OR7A17: variants seen among roughly 807,000 people sequenced by gnomAD.
The protein encoded by OR7A17 is olfactory receptor 7A17.
For missense variants in OR7A17, 366 were observed against 365.5 expected, an observed-to-expected ratio of 1.00 and a Z score of -0.01; for synonymous variants, 159 against 142.1, an observed-to-expected ratio of 1.12 and a Z score of -0.85.
intron 1 of OR7A17, among the ~76,000 whole-genome samples, chr19:14,882,982 A>G (rs1263460089): frequency 6.6e-6 from 1 of 152,228 alleles, no homozygotes; most frequent in Admixed American, 6.5e-5. Flanking sequence ...GTCTGATAGC[A>G]TGTGAGACAG....
In OR7A17 at chr19:14,881,158, C is replaced by A. The variant is rs201572344; in HGVS notation, c.198G>T (p.Leu66=). ...AGATGAAACAGATGTCTGCAAAGGA[C>A]AGGTTGGAGAGGAAGAAGTACATGG... ...HTPMYFFLSN[L]SFADICFIST... Residue 66 remains leucine, a synonymous_variant, in exon 3 of 3, where the codon CTG becomes CTT. Transcript: ENST00000641113. 5.0e-6 allele frequency: 8 copies of A among 1,614,002 alleles called. No individual in the cohort carries two copies. Among genetic ancestry groups the A allele is most frequent in the Non-Finnish European group, 6.8e-6 (8 of 1,179,998 alleles).
At chr19:14,884,044 C>T (rs1001073518) in intron 1 of OR7A17, among the ~76,000 whole-genome samples, 1 of 152,056 alleles carries the variant, frequency 6.6e-6, no homozygotes, top group Non-Finnish European at 1.5e-5. Flanking sequence ...AAATAAATAG[C>T]TATCTACCTG....
Position 14,881,469 on chromosome 19 carries a change from T to G in OR7A17, c.-114A>C, listed in dbSNP as rs1170247980. 2 of 620,570 alleles carry G rather than the reference T, an allele frequency of 3.2e-6. No individual in the cohort carries two copies. Among genetic ancestry groups the G allele is most frequent in the Non-Finnish European group, 4.7e-6 (2 of 429,020 alleles). 38.4% of individuals were successfully genotyped at this position (620,570 alleles called of 1,614,324 possible). On this transcript the variant is annotated 5_prime_UTR_variant, in exon 3 of 3. Coordinates refer to ENST00000641113, the MANE Select transcript of OR7A17 (RefSeq NM_030901.2). ...GTCTGAACCTCCTGGACTCATGCGA[T>G]CCTCCCACTTCAGCCTACAAAAGTG...
intron 1 of OR7A17, among the ~76,000 whole-genome samples, chr19:14,882,614 G>A (rs374306861): frequency 1.3e-5 from 2 of 152,254 alleles, no homozygotes; most frequent in East Asian, 1.9e-4. Context: ...CAAGGAGTCC[G>A]TCTGACCAGA....
In OR7A17 at chr19:14,881,292, C is replaced by T; in HGVS notation, c.64G>A (p.Glu22Lys). 1 of 1,609,030 alleles carries T rather than the reference C, an allele frequency of 6.2e-7. No homozygotes were observed. Among genetic ancestry groups the T allele is most frequent in the South Asian group, 1.1e-5 (1 of 90,172 alleles). ...FVLLGLSEEP[E>K]LQPFLFGLFL... ...AGCCCAAAGAGGAAGGGCTGCAATT[C>T]TGGTTCCTCAGAAAGTCCCAGAAGA... Residue 22 changes from glutamate to lysine, a missense_variant, in exon 3 of 3, where the codon GAA becomes AAA. Physicochemically the swap from Glu to Lys is moderately conservative, Grantham distance 56 (BLOSUM62 1). Transcript: ENST00000641113.
In OR7A17 at chr19:14,881,108, A is replaced by G; in HGVS notation, c.248T>C (p.Ile83Thr). Residue 83 changes from isoleucine (I) to threonine (T), a missense_variant, in exon 3 of 3, where the codon ATT (isoleucine) becomes ACT (threonine). Ile to Thr is a moderately conservative substitution (Grantham distance 89, BLOSUM62 -1). Transcript: ENST00000641113. ...GACTCTGCTCTGTGTCTGGATGTTA[A>G]TGAGCATCTTTGGGATTGTAGTGGA... ...FISTTIPKML[I>T]NIQTQSRVIT... 6.2e-7 allele frequency: 1 copy of G among 1,614,196 alleles called. No homozygotes were observed. Among genetic ancestry groups the G allele is most frequent in the East Asian group, 2.2e-5 (1 of 44,884 alleles).
Position 14,881,464 on chromosome 19 carries a change from T to A in OR7A17, c.-109A>T. ...CGCTGGTCTGAACCTCCTGGACTCA[T>A]GCGATCCTCCCACTTCAGCCTACAA... On this transcript the variant is annotated 5_prime_UTR_variant, in exon 3 of 3. An upstream start codon of the reference 5' UTR is lost. Coordinates refer to ENST00000641113, the MANE Select transcript of OR7A17 (RefSeq NM_030901.2). The A allele has an allele frequency of 1.5e-6, 1 of 669,498 alleles. No individual in the cohort carries two copies. Among genetic ancestry groups the A allele is most frequent in the Non-Finnish European group, 2.1e-6 (1 of 471,910 alleles). The allele number at this position is 669,498 out of a possible 1,614,324, so 41.5% of individuals were successfully genotyped here.
rs748992876 is a variant in OR7A17 at position 14,881,048 on chromosome 19, AAG to A, written c.306_307del (p.Phe104CysfsTer17). The A allele has an allele frequency of 3.7e-6, 6 of 1,614,048 alleles. No individual in the cohort carries two copies. Among genetic ancestry groups the A allele is most frequent in the Admixed American group, 1.7e-5 (1 of 59,988 alleles). On this transcript the variant is annotated frameshift_variant, in exon 3 of 3. Transcript: ENST00000641113. LOFTEE classifies it low-confidence loss of function (END_TRUNC). ...GTCTAACCCTCCAAAAAGTACAAAA[AAG>A]CACATCTGGGTGATGCAGCCTGCAT...
chr19:14,885,994 T>C lies in OR7A17; in HGVS notation c.-348A>G, dbSNP rs1171080870. ...CCATGGAGAAGTGTAAATTCCTCTCTAGCAGGTTGATGGTGGAGATGGAAT... is the reference window on the plus strand; with the variant it reads ...CCATGGAGAAGTGTAAATTCCTCTCCAGCAGGTTGATGGTGGAGATGGAAT... On this transcript the variant is annotated 5_prime_UTR_variant, in exon 1 of 3. An upstream open reading frame in the 5' UTR loses its in-frame stop. Coordinates refer to ENST00000641113, the MANE Select transcript of OR7A17 (RefSeq NM_030901.2). 1 of 152,132 alleles carries C rather than the reference T, an allele frequency of 6.6e-6. No individual in the cohort carries two copies. The highest frequency in any genetic ancestry group is 1.5e-5 in the Non-Finnish European group (1 of 68,040). 9.4% of individuals were successfully genotyped at this position (152,132 alleles called of 1,614,324 possible). A position where few individuals can be genotyped will look rare whatever the true frequency, so the allele number is the denominator to read the frequency against.
chr19:14,879,651 G>A lies in OR7A17; in HGVS notation c.*775C>T, dbSNP rs571628922. The A allele has an allele frequency of 1.3e-5, 2 of 152,298 alleles. No homozygotes were observed. Among genetic ancestry groups the A allele is most frequent in the East Asian group, 3.9e-4 (2 of 5,134 alleles). The allele number at this position is 152,298 out of a possible 1,614,324, so 9.4% of individuals were successfully genotyped here. ...TGAATAGAGGACAGGACCCTAATGA[G>A]TAGGATAAAATGCCATGATGACAGC... is the stretch of plus-strand genomic sequence containing the variant. On this transcript the variant is annotated 3_prime_UTR_variant, in exon 3 of 3. Transcript: ENST00000641113.
rs1568266647 is a variant in OR7A17, at chr19:14,880,439, C to G, written c.917G>C (p.Arg306Thr). ...AAAATGGCCCTTTTATTGCTTTCCT[C>G]TGAAGGACATTTTCAGAGCCCTCTT... ...DIKRALKMSF[R>T]GKQ Residue 306 changes from arginine (R) to threonine (T), a missense_variant, in exon 3 of 3, where the codon AGA (arginine) becomes ACA (threonine). Transcript: ENST00000641113. 3.1e-6 allele frequency: 5 copies of G among 1,600,380 alleles called. No homozygotes were observed. Among genetic ancestry groups the G allele is most frequent in the Non-Finnish European group, 4.3e-6 (5 of 1,173,238 alleles).
intron 1 of OR7A17, among the ~76,000 whole-genome samples, chr19:14,883,089 T>C (rs931624817): frequency 5.9e-5 from 9 of 152,356 alleles, no homozygotes; most frequent in African/African-American, 1.9e-4. Context: ...TCCTATGGAA[T>C]TGCACTAGTT....
At position 14,881,134 on chromosome 19, in the gene OR7A17, G is replaced by C; in HGVS notation, c.222C>G (p.Ile74Met). 3.7e-6 allele frequency: 6 copies of C among 1,614,160 alleles called. No homozygotes were observed. The highest frequency in any genetic ancestry group is 5.1e-6 in the Non-Finnish European group (6 of 1,180,026). ...TGAGCATCTTTGGGATTGTAGTGGA[G>C]ATGAAACAGATGTCTGCAAAGGACA... ...SNLSFADICFISTTIPKMLIN... is the reference protein window; with the variant it reads ...SNLSFADICFMSTTIPKMLIN... The change falls in exon 3 of 3, where the codon ATC becomes ATG. Residue 74 changes from isoleucine (I) to methionine (M), a missense_variant. Transcript: ENST00000641113.
intron 1 of OR7A17, among the ~76,000 whole-genome samples, chr19:14,882,577 C>T (rs1400956649): frequency 1.3e-5 from 2 of 152,178 alleles, no homozygotes; most frequent in African/African-American, 4.8e-5. Flanking sequence ...GATGAGGTGG[C>T]CTTGAAGCTG....
intron 1 of OR7A17, among the ~76,000 whole-genome samples, chr19:14,883,562 T>C (rs1435605265): frequency 6.6e-6 from 1 of 152,282 alleles, no homozygotes; most frequent in African/African-American, 2.4e-5. Flanking sequence ...GACACATTTG[T>C]TACATTTTAC....
intron 1 of OR7A17, among the ~76,000 whole-genome samples, chr19:14,882,321 G>A (rs1336210734): frequency 6.6e-6 from 1 of 152,172 alleles, no homozygotes; most frequent in African/African-American, 2.4e-5. Flanking sequence ...AGGATAAAAA[G>A]TGTTACTTTT....
chr19:14,881,001 C>T lies in OR7A17; in HGVS notation c.355G>A (p.Ala119Thr), dbSNP rs1472376703. Residue 119 changes from alanine to threonine, a missense_variant, in exon 3 of 3, where the codon GCC becomes ACC. Coordinates refer to ENST00000641113, the MANE Select transcript of OR7A17 (RefSeq NM_030901.2). ...GLDSLLLAVM[A>T]YDRFVAICHP... ...CAGATGGCCACAAACCGATCATAGG[C>T]CATCACAGCCAGGAGTAAGCTGTCT... 6.2e-7 allele frequency: 1 copy of T among 1,614,118 alleles called. No individual in the cohort carries two copies. Among genetic ancestry groups the T allele is most frequent in the Admixed American group, 1.7e-5 (1 of 60,008 alleles).
intron 1 of OR7A17, among the ~76,000 whole-genome samples, chr19:14,884,334 G>A (rs186273073): frequency 3.3e-5 from 5 of 152,278 alleles, no homozygotes; most frequent in Non-Finnish European, 7.4e-5. Flanking sequence ...GATCACAGCT[G>A]TAATCCCAGT....
chr19:14,880,914 A>T lies in OR7A17; in HGVS notation c.442T>A (p.Ser148Thr). Residue 148 changes from serine (S) to threonine (T), a missense_variant, in exon 3 of 3, where the codon TCC becomes ACC. Coordinates refer to ENST00000641113, the MANE Select transcript of OR7A17 (RefSeq NM_030901.2). ...PRLCGLLVLA[S>T]WMIAALNSLS... ...GAATTCAGGGCAGCAATCATCCAGGATGCCAGAACCAGGAGTCCACAGAGC... is the reference window on the plus strand; with the variant it reads ...GAATTCAGGGCAGCAATCATCCAGGTTGCCAGAACCAGGAGTCCACAGAGC... 6.2e-7 allele frequency: 1 copy of T among 1,614,214 alleles called. No individual in the cohort carries two copies. Among genetic ancestry groups the T allele is most frequent in the Non-Finnish European group, 8.5e-7 (1 of 1,180,030 alleles).
Sources: allele counts gnomAD v4.1 joint callset (sites outside exome capture counted in the v4.1 genomes callset), GRCh38; gene constraint gnomAD v4.1.1; transcripts MANE v1.5; gene names NCBI Gene and HGNC (gene_info 2026-07-23, HGNC 2026-07-21).